Variants in ARHGAP11B observed in about 807,000 individuals in gnomAD.
ARHGAP11B encodes Rho GTPase activating protein 11B, also known as inactive Rho GTPase-activating protein 11B.
In ARHGAP11B, 14 loss-of-function variants were observed where a neutral mutation model predicts 27.6. The observed-to-expected ratio is 0.51, with a 90% CI of 0.34 to 0.79. The LOEUF (loss-of-function observed/expected upper bound fraction) is 0.79. Ranked by LOEUF, ARHGAP11B falls within the 30% of genes least tolerant of loss-of-function variation. ARHGAP11B has a pLI of 0.02. For missense variants in ARHGAP11B, 245 were observed against 320.1 expected (o/e 0.77, Z 1.79); for synonymous variants, 82 against 114.1 (o/e 0.72, Z 1.80).
intron 7 of ARHGAP11B, chr15:30,641,480 T>A (rs1034948620): frequency 6.6e-6 from 1 of 151,518 alleles, no homozygotes; most frequent in African/African-American, 2.4e-5. Context: ...GGATTATAGG[T>A]GGCCACCACC....
chr15:30,645,554 T>C (rs1286057645), intron 8 of ARHGAP11B, among the ~76,000 whole-genome samples: 2 of 152,058 alleles, frequency 1.3e-5, no homozygotes, highest in East Asian at 3.9e-4. Flanking sequence ...GGAAATTATA[T>C]TTACAATTTC....
Position 30,648,109 on chromosome 15 carries a change from G to GTTTT in ARHGAP11B, c.*372-194_*372-191dup, listed in dbSNP as rs1214769947. ...CCACTGCGCCAGGCTAACTGTTACTGTTTTGAGTATTGGTTATAAAATACT... is the reference window on the plus strand; with the variant it reads ...CCACTGCGCCAGGCTAACTGTTACTGTTTTTTTTGAGTATTGGTTATAAAATACT... On this transcript the variant is annotated intron_variant, in intron 10 of 10. Coordinates refer to ENST00000428041, the Ensembl canonical transcript of ARHGAP11B. 2.0e-5 allele frequency among the ~76,000 whole-genome samples: 3 copies of GTTTT among 152,028 alleles called. 1 individual carries two copies. In the South Asian group the frequency reaches 6.2e-4, roughly 31 times the overall value.
intron 7 of ARHGAP11B, among the ~76,000 whole-genome samples, chr15:30,643,285 T>C (rs1021221929): frequency 3.3e-4 from 50 of 151,018 alleles, no homozygotes; most frequent in African/African-American, 1.2e-3. Flanking sequence ...GTTTTCTTTT[T>C]TTTTTTTTTT....
At chr15:30,635,183 A>G (rs2060271551) in exon 5 of ARHGAP11B, 1 of 1,613,106 alleles carries the variant, frequency 6.2e-7, no homozygotes, top group Non-Finnish European at 8.5e-7. Context: ...TAACGCAGAA[A>G]AGAAGGTACG....
chr15:30,637,754 G>C (rs989944942), intron 6 of ARHGAP11B, among the ~76,000 whole-genome samples: 8 of 149,514 alleles, frequency 5.4e-5, no homozygotes, highest in Admixed American at 3.3e-4. Flanking sequence ...ATTAAAAAAA[G>C]AATCTTCTTG....
At position 30,629,133 on chromosome 15, in the gene ARHGAP11B, AATTT is replaced by A. The variant is rs543910478; in HGVS notation, c.130-1564_130-1561del. 2.0e-3 allele frequency among the ~76,000 whole-genome samples: 303 copies of A among 152,158 alleles called. 2 individuals carry two copies. Among genetic ancestry groups the A allele is most frequent in the African/African-American group, 7.0e-3 (289 of 41,532 alleles). On this transcript the variant is annotated intron_variant, in intron 1 of 10. Transcript: ENST00000428041. Reference sequence around the variant, plus strand: ...CTGATACAAGTGTTTTGTATGTTTTAATTTATTTAATTCTTCCTACACCTCTATG... The same window carrying A: ...CTGATACAAGTGTTTTGTATGTTTTAATTTAATTCTTCCTACACCTCTATG...
intron 9 of ARHGAP11B, among the ~76,000 whole-genome samples, chr15:30,646,782 C>G (rs2060351677): frequency 1.3e-5 from 2 of 151,818 alleles, no homozygotes; most frequent in African/African-American, 4.8e-5. Context: ...CCAGCCTGGC[C>G]AACGTGGTGA....
At chr15:30,637,356 T>G (rs1305609761) in intron 6 of ARHGAP11B, among the ~76,000 whole-genome samples, 1 of 152,122 alleles carries the variant, frequency 6.6e-6, no homozygotes, top group Non-Finnish European at 1.5e-5. Context: ...CCATGGGTTC[T>G]ACCTCTTCCT....
At chr15:30,629,930 A>G (rs1353190392) in intron 1 of ARHGAP11B, among the ~76,000 whole-genome samples, 9 of 152,090 alleles carry the variant, frequency 5.9e-5, no homozygotes, top group Non-Finnish European at 1.2e-4. Flanking sequence ...AAAGCGACAC[A>G]TTTTTAAGAG....
chr15:30,629,348 C>A (rs2060229421), intron 1 of ARHGAP11B, among the ~76,000 whole-genome samples: 2 of 142,896 alleles, frequency 1.4e-5, no homozygotes, highest in South Asian at 4.4e-4. Flanking sequence ...TCGAGACCAT[C>A]CTAGCTAACA....
In ARHGAP11B at chr15:30,639,971, AGTGTGTGTGTGTGTGTGTGT is replaced by A. The variant is rs71103435; in HGVS notation, c.*78+1174_*78+1193del. Among the ~76,000 whole-genome samples the A allele has an allele frequency of 2.8e-5, 4 of 143,192 alleles. No homozygotes were observed. In the East Asian group the frequency reaches 6.4e-4, roughly 23 times the overall value. 93.9% of individuals were successfully genotyped at this position (143,192 alleles called of 152,430 possible). ...TAAAATAGACAGTGTTTCAATATAG[AGTGTGTGTGTGTGTGTGTGT>A]GTGTGTGTGTGTGTGTGTGTGTTAT... On this transcript the variant is annotated intron_variant, in intron 7 of 10. Transcript: ENST00000428041.
intron 7 of ARHGAP11B, among the ~76,000 whole-genome samples, chr15:30,643,174 C>T (rs2060325167): frequency 1.3e-5 from 2 of 151,892 alleles, no homozygotes; most frequent in Admixed American, 1.3e-4. Context: ...TGCCACATTA[C>T]AGTTTGTTGT....
At chr15:30,628,526 G>A (rs2060223864) in intron 1 of ARHGAP11B, among the ~76,000 whole-genome samples, 1 of 151,992 alleles carries the variant, frequency 6.6e-6, no homozygotes, top group South Asian at 2.1e-4. Flanking sequence ...TATAAAGTGG[G>A]AACGTATTTC....
intron 7 of ARHGAP11B, among the ~76,000 whole-genome samples, chr15:30,643,908 G>A (rs568669591): frequency 3.3e-5 from 5 of 152,010 alleles, no homozygotes; most frequent in East Asian, 1.9e-4. Context: ...CTGGCTGTCC[G>A]AAGCTCATGG....
intron 2 of ARHGAP11B, 56 bp downstream of exon 2, chr15:30,630,829 C>T (rs2060240163): frequency 6.2e-7 from 1 of 1,606,418 alleles, no homozygotes; most frequent in African/African-American, 1.3e-5. Flanking sequence ...CCTGTAACCC[C>T]AGCATTTTGA....
intron 10 of ARHGAP11B, chr15:30,647,860 G>C (rs960644598): frequency 6.0e-6 from 1 of 165,808 alleles, no homozygotes; most frequent in Non-Finnish European, 1.5e-5. Context: ...AATTTTTATG[G>C]GCATTCCAAT....
At chr15:30,643,735 T>TAG (rs2140907592) in intron 7 of ARHGAP11B, among the ~76,000 whole-genome samples, 1 of 152,198 alleles carries the variant, frequency 6.6e-6, no homozygotes, top group Admixed American at 6.5e-5. Context: ...ATTATGAGAT[T>TAG]AGAATGGGAA....
intron 2 of ARHGAP11B, among the ~76,000 whole-genome samples, chr15:30,633,052 C>T (rs917656193): frequency 3.3e-5 from 5 of 149,540 alleles, no homozygotes; most frequent in Non-Finnish European, 5.9e-5. Flanking sequence ...GGTGATAGAT[C>T]GAGCAATACG....
chr15:30,629,924 C>T (rs1035572819), intron 1 of ARHGAP11B, among the ~76,000 whole-genome samples: 1 of 152,026 alleles, frequency 6.6e-6, no homozygotes, highest in Non-Finnish European at 1.5e-5. Context: ...CTGTGGAAAG[C>T]GACACATTTT....
Sources: gnomAD v4.1 joint callset for allele counts (sites outside exome capture counted in the v4.1 genomes callset) on GRCh38, gnomAD v4.1.1 for gene constraint, MANE v1.5 for transcripts, NCBI Gene and HGNC (gene_info 2026-07-23, HGNC 2026-07-21) for gene names.